FOXP2: variants seen among roughly 807,000 people sequenced by gnomAD.
The protein encoded by FOXP2 is forkhead box P2.
A neutral mutation model predicts 115.8 loss-of-function variants in FOXP2; 12 were observed. That is an observed-to-expected ratio of 0.10 (90% confidence interval 0.07 to 0.17). FOXP2 has a LOEUF of 0.17. FOXP2 is among the 10% of genes least tolerant of loss of function. The pLI, the probability that FOXP2 is intolerant of heterozygous loss-of-function variation, is 1.00. For synonymous variants in FOXP2, 328 were observed against 297.7 expected, an observed-to-expected ratio of 1.10 and a Z score of -1.05; for missense variants, 629 against 843.5, an observed-to-expected ratio of 0.75 and a Z score of 3.15.
At chr7:114,168,452 T>A (rs889627041) in intron 1 of FOXP2, among the ~76,000 whole-genome samples, 5 of 152,148 alleles carry the variant, frequency 3.3e-5, no homozygotes, top group African/African-American at 1.2e-4. Context: ...TGACATTTTG[T>A]CCCTGCCCTA....
intron 16 of FOXP2, chr7:114,670,121 T>G (rs1807414509): frequency 6.6e-6 from 1 of 152,044 alleles, no homozygotes; most frequent in East Asian, 1.9e-4. Flanking sequence ...TTAGCCTCTA[T>G]GTCATTTCAA....
intron 1 of FOXP2, among the ~76,000 whole-genome samples, chr7:114,109,138 T>C (rs1398461987): frequency 6.6e-6 from 1 of 151,996 alleles, no homozygotes; most frequent in Non-Finnish European, 1.5e-5. Context: ...TTTTGTTTGC[T>C]CCAGTAAAAG....
At chr7:114,469,191 T>G (rs1562944883) in intron 2 of FOXP2, among the ~76,000 whole-genome samples, 1 of 152,100 alleles carries the variant, frequency 6.6e-6, no homozygotes, top group Non-Finnish European at 1.5e-5. Flanking sequence ...AAATGGAAGA[T>G]CTAAATATAT....
intron 3 of FOXP2, among the ~76,000 whole-genome samples, chr7:114,555,499 T>A (rs1299834436): frequency 6.6e-6 from 1 of 152,108 alleles, no homozygotes; most frequent in African/African-American, 2.4e-5. Flanking sequence ...GTTTTGTGGT[T>A]AAGATAGAGC....
At chr7:114,151,960 T>G (rs1792539519) in intron 1 of FOXP2, among the ~76,000 whole-genome samples, 1 of 152,054 alleles carries the variant, frequency 6.6e-6, no homozygotes, top group Non-Finnish European at 1.5e-5. Flanking sequence ...CCTGTCTAAA[T>G]TGAAACTAAA....
chr7:114,322,829 A>T (rs954302044), intron 2 of FOXP2, among the ~76,000 whole-genome samples: 2 of 152,160 alleles, frequency 1.3e-5, no homozygotes, highest in African/African-American at 4.8e-5. Flanking sequence ...TTTTGTGTTT[A>T]TATACACGTA....
chr7:114,184,179 A>G (rs920495215), intron 1 of FOXP2, among the ~76,000 whole-genome samples: 7 of 152,288 alleles, frequency 4.6e-5, no homozygotes, highest in Non-Finnish European at 8.8e-5. Flanking sequence ...TTTATTAAGA[A>G]ATCTTAAAAG....
intron 2 of FOXP2, among the ~76,000 whole-genome samples, chr7:114,400,648 G>A (rs1405010625): frequency 1.3e-5 from 2 of 152,040 alleles, no homozygotes; most frequent in Non-Finnish European, 2.9e-5. Flanking sequence ...AAACTGTTCC[G>A]CTTCAGATCA....
chr7:114,277,990 G>A (rs1796229696), intron 1 of FOXP2, among the ~76,000 whole-genome samples: 2 of 139,590 alleles, frequency 1.4e-5, no homozygotes, highest in Admixed American at 7.8e-5. Flanking sequence ...TCGTGTCACT[G>A]CCCTCTAGCC....
chr7:114,560,392 G>A (rs779081748), intron 3 of FOXP2, among the ~76,000 whole-genome samples: 1 of 152,006 alleles, frequency 6.6e-6, no homozygotes, highest in African/African-American at 2.4e-5. Flanking sequence ...GATCCCCTGA[G>A]GCCAGGAGTT....
At chr7:114,336,601 T>G (rs984160633) in intron 2 of FOXP2, among the ~76,000 whole-genome samples, 2 of 151,588 alleles carry the variant, frequency 1.3e-5, no homozygotes, top group African/African-American at 4.8e-5. Flanking sequence ...AATACACTGG[T>G]GTCCTATCAC....
chr7:114,472,711 G>A (rs1796104128), intron 2 of FOXP2, among the ~76,000 whole-genome samples: 1 of 152,134 alleles, frequency 6.6e-6, no homozygotes, highest in African/African-American at 2.4e-5. Flanking sequence ...TTTGTACTTG[G>A]TCTTTACAAA....
rs574849439 is a variant in FOXP2, at chr7:114,547,110, C to A, written c.258+12404C>A. 3.3e-5 allele frequency among the ~76,000 whole-genome samples: 5 copies of A among 152,294 alleles called. No homozygotes were observed. In the East Asian group the frequency reaches 5.8e-4, roughly 18 times the overall value. On this transcript the variant is annotated intron_variant, in intron 3 of 16. Transcript: ENST00000350908. ...ATGATTCAGGTCACATTACCCAACT[C>A]TCTCTCATATTACTACTTTGTCTGC...
chr7:114,480,559 A>G (rs986620297), intron 2 of FOXP2, among the ~76,000 whole-genome samples: 17 of 150,446 alleles, frequency 1.1e-4, no homozygotes, highest in African/African-American at 4.1e-4. Flanking sequence ...ATGTATATAC[A>G]CATATACATG....
intron 1 of FOXP2, among the ~76,000 whole-genome samples, chr7:114,242,726 G>C (rs995880912): frequency 1.1e-4 from 17 of 152,122 alleles, no homozygotes; most frequent in Non-Finnish European, 1.9e-4. Context: ...TATTCAGAGA[G>C]AAACAAACAT....
At chr7:114,436,894 C>A (rs958657754) in intron 2 of FOXP2, among the ~76,000 whole-genome samples, 1 of 152,004 alleles carries the variant, frequency 6.6e-6, no homozygotes, top group Non-Finnish European at 1.5e-5. Context: ...TAAACATATA[C>A]CTAAATGGTA....
At chr7:114,208,736 T>C (rs1199060283) in intron 1 of FOXP2, among the ~76,000 whole-genome samples, 1 of 152,070 alleles carries the variant, frequency 6.6e-6, no homozygotes, top group East Asian at 1.9e-4. Context: ...TCTCATGAGA[T>C]CTGGTGGCTT....
intron 3 of FOXP2, among the ~76,000 whole-genome samples, chr7:114,590,294 A>G (rs1009063932): frequency 6.6e-6 from 1 of 152,184 alleles, no homozygotes; most frequent in South Asian, 2.1e-4. Context: ...TCTGCCTACA[A>G]GTGAGGCTGT....
intron 2 of FOXP2, among the ~76,000 whole-genome samples, chr7:114,383,932 AT>A (rs1401822305): frequency 1.3e-5 from 2 of 152,128 alleles, no homozygotes; most frequent in Non-Finnish European, 2.9e-5. Context: ...CAGATTAGTG[AT>A]GCTCACCAAT....
Sources: gnomAD v4.1 joint callset for allele counts (sites outside exome capture counted in the v4.1 genomes callset) on GRCh38, gnomAD v4.1.1 for gene constraint, MANE v1.5 for transcripts, NCBI Gene and HGNC (gene_info 2026-07-23, HGNC 2026-07-21) for gene names.